The following AOPEP variants were observed in gnomAD, a reference collection of about 807,000 sequenced individuals.
The protein encoded by AOPEP is aminopeptidase O.
AOPEP carries 77 observed loss-of-function variants against 98.1 expected under a neutral mutation model. That is an observed-to-expected ratio of 0.78 (90% CI 0.65 to 0.95). The LOEUF (loss-of-function observed/expected upper bound fraction) is 0.95. AOPEP is among the 40% of genes least tolerant of loss of function. The pLI, the probability that AOPEP is intolerant of heterozygous loss-of-function variation, is 0.00. For missense variants in AOPEP, 1,024 were observed against 1,024.7 expected, an observed-to-expected ratio of 1.00 and a Z score of 0.01; for synonymous variants, 346 against 365.3, an observed-to-expected ratio of 0.95 and a Z score of 0.60.
intron 5 of AOPEP, among the ~76,000 whole-genome samples, chr9:94,888,846 T>C (rs7019602): frequency 0.9 from 136,638 of 152,232 alleles, 61,922 homozygotes; most frequent in East Asian, 0.97. Context: ...CAGTTATACA[T>C]GCATTATTTT....
intron 7 of AOPEP, chr9:94,933,796 G>A (rs2055791304): frequency 1.2e-5 from 5 of 416,998 alleles, no homozygotes; most frequent in Non-Finnish European, 1.6e-5. Flanking sequence ...CTCCCAGGCT[G>A]GAGTGCAGTG....
chr9:95,141,474 C>T, the AOPEP span, among the ~76,000 whole-genome samples: 12 of 152,128 alleles, frequency 7.9e-5, no homozygotes, highest in Non-Finnish European at 1.5e-4. Context: ...AAACACTCAC[C>T]TATATGATTT....
At chr9:95,097,850 T>G in the AOPEP span, among the ~76,000 whole-genome samples, 2 of 152,188 alleles carry the variant, frequency 1.3e-5, no homozygotes, top group African/African-American at 4.8e-5. Context: ...AGACATGTTA[T>G]GTACTTACTG....
At chr9:95,093,545 T>A in the AOPEP span, among the ~76,000 whole-genome samples, 5 of 152,198 alleles carry the variant, frequency 3.3e-5, no homozygotes, top group African/African-American at 1.2e-4. Flanking sequence ...GATAACAACT[T>A]ATTTTTCTCA....
chr9:94,974,002 AT>A (rs2059687198), intron 10 of AOPEP, among the ~76,000 whole-genome samples: 1 of 152,210 alleles, frequency 6.6e-6, no homozygotes, highest in African/African-American at 2.4e-5. Context: ...CTGCAGTGTC[AT>A]TTCAATAATT....
chr9:94,739,569 G>A (rs911978549), intron 1 of AOPEP, among the ~76,000 whole-genome samples: 8 of 151,932 alleles, frequency 5.3e-5, no homozygotes, highest in South Asian at 2.1e-4. Flanking sequence ...TGCTTGAACC[G>A]GGAGGTGGAA....
At chr9:94,901,862 T>C (rs1267667126) in intron 5 of AOPEP, among the ~76,000 whole-genome samples, 1 of 151,894 alleles carries the variant, frequency 6.6e-6, no homozygotes, top group Non-Finnish European at 1.5e-5. Flanking sequence ...TGAGCTGAGA[T>C]CGCGCCACTG....
At chr9:94,911,961 A>G (rs570183040) in intron 5 of AOPEP, among the ~76,000 whole-genome samples, 2 of 152,326 alleles carry the variant, frequency 1.3e-5, no homozygotes, top group South Asian at 2.1e-4. Flanking sequence ...CAAGAAATGC[A>G]CATAACCAGC....
chr9:95,123,363 G>T, the AOPEP span: 48 of 386,796 alleles, frequency 1.2e-4, no homozygotes, highest in South Asian at 8.9e-4. Context: ...AAACAGGCTG[G>T]GTGTGGTGGC....
chr9:94,855,380 GT>G, intron 5 of AOPEP, among the ~76,000 whole-genome samples: 1 of 152,218 alleles, frequency 6.6e-6, no homozygotes, highest in South Asian at 2.1e-4. Context: ...GCCTGGCCGT[GT>G]TTTAGTTTAT....
chr9:94,846,712 C>T (rs2042904832), intron 5 of AOPEP, among the ~76,000 whole-genome samples: 1 of 151,920 alleles, frequency 6.6e-6, no homozygotes, highest in African/African-American at 2.4e-5. Flanking sequence ...AGTTCAAGAT[C>T]ATCTTGGAAA....
intron 3 of AOPEP, among the ~76,000 whole-genome samples, chr9:94,787,256 C>T (rs1439610727): frequency 2.0e-5 from 3 of 152,210 alleles, no homozygotes; most frequent in Non-Finnish European, 4.4e-5. Flanking sequence ...TCTCCCCTGC[C>T]ACATCCTGCT....
chr9:95,102,783 G>A, the AOPEP span, among the ~76,000 whole-genome samples: 1 of 152,222 alleles, frequency 6.6e-6, no homozygotes, highest in African/African-American at 2.4e-5. Context: ...GGAGCCTCTT[G>A]TCGCATGCGC....
At chr9:94,977,908 C>G (rs186368219) in intron 10 of AOPEP, among the ~76,000 whole-genome samples, 2 of 152,340 alleles carry the variant, frequency 1.3e-5, no homozygotes, top group African/African-American at 4.8e-5. Flanking sequence ...CTCTTTCCCT[C>G]CATGAACTTT....
At position 94,928,765 on chromosome 9, in the gene AOPEP, C is replaced by CG. The variant is rs1407366002; in HGVS notation, c.1661+239dup. 1.5e-5 allele frequency: 7 copies of CG among 460,048 alleles called. No homozygotes were observed. The Admixed American group carries it at 2.1e-4, about 13-fold the overall frequency. The allele number at this position is 460,048 out of a possible 1,614,324, so 28.5% of individuals were successfully genotyped here. On this transcript the variant is annotated intron_variant, in intron 7 of 16. Transcript: ENST00000375315. ...GAAAAAACTAGCATGAGGCCATTTC[C>CG]GGGGGTCAGATCCTTCGTTTGAAGT...
chr9:94,975,142 G>C (rs1366361445), intron 10 of AOPEP, among the ~76,000 whole-genome samples: 4 of 152,126 alleles, frequency 2.6e-5, no homozygotes, highest in Non-Finnish European at 5.9e-5. Flanking sequence ...GAGATGGGAG[G>C]ATCGTTTCAT....
chr9:94,743,167 A>AAAGAAG (rs138111726), intron 1 of AOPEP, among the ~76,000 whole-genome samples: 2,550 of 142,752 alleles, frequency 0.018, 95 homozygotes, highest in African/African-American at 0.065. Flanking sequence ...TTGCAATATA[A>AAAGAAG]AAGAAGAAGA....
At chr9:94,986,742 C>T (rs919697487) in intron 11 of AOPEP, among the ~76,000 whole-genome samples, 4 of 152,138 alleles carry the variant, frequency 2.6e-5, no homozygotes, top group Admixed American at 2.6e-4. Flanking sequence ...ATATATTGAC[C>T]TCTTTACAGC....
chr9:94,740,978 G>T (rs1365155644), intron 1 of AOPEP, among the ~76,000 whole-genome samples: 1 of 152,210 alleles, frequency 6.6e-6, no homozygotes, highest in Non-Finnish European at 1.5e-5. Flanking sequence ...GGCTGGTGAG[G>T]AAAGTTTCAC....
Sources: gnomAD v4.1 joint callset for allele counts (sites outside exome capture counted in the v4.1 genomes callset) on GRCh38, gnomAD v4.1.1 for gene constraint, MANE v1.5 for transcripts, NCBI Gene and HGNC (gene_info 2026-07-23, HGNC 2026-07-21) for gene names.